CFAP44: variants seen among roughly 807,000 people sequenced by gnomAD.
CFAP44 encodes cilia and flagella associated protein 44, also known as cilia- and flagella-associated protein 44.
CFAP44 carries 134 observed loss-of-function variants against 216.2 expected under a neutral mutation model. The ratio of observed to expected loss-of-function variants is 0.62; its 90% CI spans 0.54 to 0.72. CFAP44 has a LOEUF of 0.72. Among genes scored for constraint, CFAP44 ranks in the 30% least tolerant of loss-of-function variants. The pLI is 0.00. For missense variants in CFAP44, 2,035 were observed against 2,182.1 expected (o/e 0.93, Z 1.34); for synonymous variants, 700 against 727.6 (o/e 0.96, Z 0.61).
At chr3:113,326,252 A>C (rs1339585334) in intron 28 of CFAP44, among the ~76,000 whole-genome samples, 193 bp downstream of exon 28, 4 of 152,230 alleles carry the variant, frequency 2.6e-5, no homozygotes, top group African/African-American at 7.2e-5. Context: ...TGTGCAAACA[A>C]ACATGCACAC....
chr3:113,438,286 G>T (rs1935282926), intron 1 of CFAP44, among the ~76,000 whole-genome samples: 1 of 152,180 alleles, frequency 6.6e-6, no homozygotes, highest in Non-Finnish European at 1.5e-5. Context: ...CCCCATGCAG[G>T]TCACACATCT....
intron 1 of CFAP44, among the ~76,000 whole-genome samples, chr3:113,436,191 G>A (rs945288596): frequency 6.6e-5 from 10 of 151,968 alleles, no homozygotes; most frequent in African/African-American, 2.2e-4. Context: ...CTTCCAGTTT[G>A]GGATACACAG....
intron 7 of CFAP44, among the ~76,000 whole-genome samples, chr3:113,407,733 G>T (rs2107370084): frequency 6.6e-6 from 1 of 152,236 alleles, no homozygotes; most frequent in South Asian, 2.1e-4. Flanking sequence ...ACAGGATGAT[G>T]AAGACCATGT....
intron 24 of CFAP44, among the ~76,000 whole-genome samples, chr3:113,341,368 C>T (rs1337523239): frequency 6.6e-6 from 1 of 151,818 alleles, no homozygotes; most frequent in African/African-American, 2.4e-5. Context: ...TAAAAGAAAG[C>T]AATTAACTTC....
At chr3:113,332,992 A>C (rs911666322) in intron 25 of CFAP44, among the ~76,000 whole-genome samples, 1 of 152,182 alleles carries the variant, frequency 6.6e-6, no homozygotes, top group African/African-American at 2.4e-5. Context: ...TCTTCTGAGA[A>C]ATGCTAACTC....
At position 113,291,400 on chromosome 3, in the gene CFAP44, T is replaced by C; in HGVS notation, c.*157A>G. On this transcript the variant is annotated 3_prime_UTR_variant, in exon 35 of 35. Coordinates refer to ENST00000393845, the MANE Select transcript of CFAP44 (RefSeq NM_001164496.2). ...AGTCAGTTCTAAGATAACCAAATTG[T>C]AGAGAGATTCTTAAAGTGACTTAAC... 1.2e-6 allele frequency: 1 copy of C among 839,908 alleles called. No homozygotes were observed. The highest frequency in any genetic ancestry group is 1.8e-6 in the Non-Finnish European group (1 of 556,322). The allele number at this position is 839,908 out of a possible 1,614,324, so 52.0% of individuals were successfully genotyped here.
At chr3:113,329,544 G>A (rs1256683475) in intron 26 of CFAP44, among the ~76,000 whole-genome samples, 4 of 152,190 alleles carry the variant, frequency 2.6e-5, no homozygotes, top group Non-Finnish European at 5.9e-5. Flanking sequence ...AAGACACACT[G>A]AGGAAAGGGA....
chr3:113,306,159 G>C, intron 30 of CFAP44, 42 bp downstream of exon 30: 1 of 1,519,084 alleles, frequency 6.6e-7, no homozygotes, highest in African/African-American at 1.4e-5. Context: ...AGGAGGATGT[G>C]TAGCATTTTG....
chr3:113,426,161 G>C lies in CFAP44; in HGVS notation c.370C>G (p.Leu124Val). 2 of 1,614,102 alleles carry C rather than the reference G, an allele frequency of 1.2e-6. No homozygotes were observed. The highest frequency in any genetic ancestry group is 2.2e-5 in the South Asian group (2 of 91,082). The change falls in exon 4 of 35, where the codon CTG (leucine) becomes GTG (valine). Residue 124 changes from leucine (L) to valine (V), a missense_variant. Physicochemically the swap from Leu to Val is conservative, Grantham distance 32 (BLOSUM62 1). Around this residue, in one of 3 missense-constraint regions of CFAP44, gnomAD observed 149 missense variants for 141.8 expected, o/e 1.05. Transcript: ENST00000393845. ...AGATCCAGTGGTATGTTTGAATCCA[G>C]AGTCACAAAAGGCATCGAAGCAAGC... ...MELASMPFVT[L>V]DSNIPLDLLT...
chr3:113,426,821 T>A (rs548224592), intron 3 of CFAP44: 1 of 219,360 alleles, frequency 4.6e-6, no homozygotes, highest in Non-Finnish European at 8.7e-6. Context: ...AGAGCCATTA[T>A]GCCCACGTGC....
chr3:113,399,832 T>C, intron 13 of CFAP44, 74 bp downstream of exon 13: 1 of 1,015,298 alleles, frequency 9.8e-7, no homozygotes, highest in Non-Finnish European at 1.4e-6. Context: ...CAAATATCTA[T>C]ATTTCCAGAA....
At chr3:113,355,808 G>A (rs1950488500) in intron 22 of CFAP44, among the ~76,000 whole-genome samples, 1 of 150,894 alleles carries the variant, frequency 6.6e-6, no homozygotes, top group Non-Finnish European at 1.5e-5. Context: ...AGTATATACA[G>A]AAATATCTAG....
chr3:113,382,017 G>A (rs951187649), intron 15 of CFAP44, among the ~76,000 whole-genome samples: 36 of 152,280 alleles, frequency 2.4e-4, no homozygotes, highest in Non-Finnish European at 2.9e-4. Flanking sequence ...TATATAATGA[G>A]TTAAGGGAGG....
At chr3:113,417,167 A>C (rs1050733322) in intron 5 of CFAP44, 8 of 152,236 alleles carry the variant, frequency 5.3e-5, no homozygotes, top group Admixed American at 2.0e-4. Context: ...AATCAACCTA[A>C]ATTTTGTATA....
Position 113,291,423 on chromosome 3 carries a change from A to C in CFAP44, c.*134T>G. On this transcript the variant is annotated 3_prime_UTR_variant, in exon 35 of 35. Transcript: ENST00000393845. ...TGTAGAGAGATTCTTAAAGTGACTT[A>C]ACGTGACTGGATCTGGTTTTACACT... 2 of 1,026,274 alleles carry C rather than the reference A, an allele frequency of 1.9e-6. No individual in the cohort carries two copies. The highest frequency in any genetic ancestry group is 2.8e-6 in the Non-Finnish European group (2 of 720,030). The allele number at this position is 1,026,274 out of a possible 1,614,324, so 63.6% of individuals were successfully genotyped here. A position where few individuals can be genotyped will look rare whatever the true frequency, so the allele number is the denominator to read the frequency against.
At chr3:113,354,986 C>T (rs189824117) in intron 22 of CFAP44, among the ~76,000 whole-genome samples, 12 of 152,330 alleles carry the variant, frequency 7.9e-5, no homozygotes, top group Admixed American at 7.2e-4. Flanking sequence ...GGCTTCAAGA[C>T]CTGAAGACGG....
intron 15 of CFAP44, among the ~76,000 whole-genome samples, chr3:113,384,189 G>C (rs1933587780): frequency 6.6e-6 from 1 of 151,966 alleles, no homozygotes; most frequent in Non-Finnish European, 1.5e-5. Flanking sequence ...CTCCCAAGTA[G>C]GTGGGACTGC....
intron 23 of CFAP44, among the ~76,000 whole-genome samples, chr3:113,342,837 T>TA (rs545239420): frequency 2.5e-3 from 347 of 141,002 alleles, no homozygotes; most frequent in Middle Eastern, 7.3e-3. Flanking sequence ...TAAAAATACA[T>TA]AAAAAAAAAA....
At chr3:113,397,455 A>G (rs1934020175) in intron 13 of CFAP44, 1 of 152,242 alleles carries the variant, frequency 6.6e-6, no homozygotes, top group Admixed American at 6.5e-5. Context: ...GAAAGCCATC[A>G]AAGTGTTTTT....
Sources: gnomAD v4.1 joint callset for allele counts (sites outside exome capture counted in the v4.1 genomes callset) on GRCh38, gnomAD v4.1.1 for gene constraint, gnomAD v4.1.1 regional missense constraint, MANE v1.5 for transcripts, NCBI Gene and HGNC (gene_info 2026-07-23, HGNC 2026-07-21) for gene names.